The following WWP2 variants were observed in gnomAD, a reference collection of about 807,000 sequenced individuals.
The protein encoded by WWP2 is NEDD4-like E3 ubiquitin-protein ligase WWP2.
In WWP2, 57 loss-of-function variants were observed where a neutral mutation model predicts 121.0. The observed-to-expected ratio is 0.47, with a 90% CI of 0.38 to 0.59. The LOEUF (loss-of-function observed/expected upper bound fraction) is 0.59, where lower values mean the gene tolerates loss of function less well. Ranked by LOEUF, WWP2 falls within the 20% of genes least tolerant of loss-of-function variation. The pLI, the probability that WWP2 is intolerant of heterozygous loss-of-function variation, is 0.00. For missense variants in WWP2, 962 were observed against 1,158.9 expected, an observed-to-expected ratio of 0.83 and a Z score of 2.47; for synonymous variants, 449 against 441.3, an observed-to-expected ratio of 1.02 and a Z score of -0.22.
chr16:69,895,967 A>G (rs933538039), intron 8 of WWP2, among the ~76,000 whole-genome samples: 5 of 152,200 alleles, frequency 3.3e-5, no homozygotes, highest in Admixed American at 2.0e-4. Context: ...CTTAGGTCAC[A>G]TGGAATAGTG....
At chr16:69,830,992 C>A (rs1381811312) in intron 4 of WWP2, among the ~76,000 whole-genome samples, 1 of 152,070 alleles carries the variant, frequency 6.6e-6, no homozygotes, top group Non-Finnish European at 1.5e-5. Flanking sequence ...TGAACACGGG[C>A]CTGTTAATGA....
At chr16:69,825,410 C>G (rs1025560451) in intron 4 of WWP2, among the ~76,000 whole-genome samples, 1 of 145,320 alleles carries the variant, frequency 6.9e-6, no homozygotes, top group African/African-American at 2.5e-5. Flanking sequence ...GGCAACAGAG[C>G]GAGATTCCAT....
chr16:69,844,986 C>T (rs950984035), intron 6 of WWP2, among the ~76,000 whole-genome samples: 1 of 152,188 alleles, frequency 6.6e-6, no homozygotes, highest in African/African-American at 2.4e-5. Context: ...TCACTGTGCA[C>T]ACATGCTTAT....
rs1001299232 is a variant in WWP2 at position 69,940,134 on chromosome 16, G to T, written c.*194G>T. 5.1e-6 allele frequency: 3 copies of T among 591,472 alleles called. No homozygotes were observed. The African/African-American group carries it at 5.6e-5, about 11-fold the overall frequency. The allele number at this position is 591,472 out of a possible 1,614,324, so 36.6% of individuals were successfully genotyped here. On this transcript the variant is annotated 3_prime_UTR_variant, in exon 24 of 24. Transcript: ENST00000359154. Reference sequence around the variant, plus strand: ...CAGTTCCCCCGACCCGCGGATGGCAGTCTGGAATAAAGCCCCCTAGTTGCC... The same window carrying T: ...CAGTTCCCCCGACCCGCGGATGGCATTCTGGAATAAAGCCCCCTAGTTGCC...
At chr16:69,822,910 G>A (rs893956311) in intron 4 of WWP2, among the ~76,000 whole-genome samples, 1 of 152,234 alleles carries the variant, frequency 6.6e-6, no homozygotes. Flanking sequence ...GCTGAGGCCA[G>A]TGGATCATTT....
chr16:69,780,618 G>A (rs2055644010), intron 1 of WWP2, among the ~76,000 whole-genome samples: 1 of 152,100 alleles, frequency 6.6e-6, no homozygotes, highest in South Asian at 2.1e-4. Flanking sequence ...CTAATTGTCA[G>A]GCTTCTCATC....
chr16:69,778,419 C>T (rs2055587316), intron 1 of WWP2, among the ~76,000 whole-genome samples: 1 of 151,882 alleles, frequency 6.6e-6, no homozygotes, highest in Non-Finnish European at 1.5e-5. Context: ...AATTACTTTC[C>T]ATGGCTATTA....
chr16:69,842,898 G>C (rs1465210928), intron 6 of WWP2, among the ~76,000 whole-genome samples: 1 of 152,012 alleles, frequency 6.6e-6, no homozygotes, highest in East Asian at 1.9e-4. Flanking sequence ...CGAACTCCTG[G>C]ACTCAACCGA....
chr16:69,829,445 A>G (rs181147206), intron 4 of WWP2, among the ~76,000 whole-genome samples: 4 of 151,928 alleles, frequency 2.6e-5, no homozygotes, highest in Non-Finnish European at 4.4e-5. Flanking sequence ...CAGTCCTCCC[A>G]CCCATTTGGA....
chr16:69,798,856 C>T (rs769787214), intron 3 of WWP2, 27 bp downstream of exon 3: 28 of 1,611,638 alleles, frequency 1.7e-5, no homozygotes, highest in East Asian at 8.9e-5. Flanking sequence ...TCTTTTTGAA[C>T]GCAGCAAGAT....
chr16:69,921,811 C>T (rs574620805), intron 10 of WWP2, among the ~76,000 whole-genome samples: 1 of 152,170 alleles, frequency 6.6e-6, no homozygotes, highest in East Asian at 1.9e-4. Context: ...CGGTGGCTCA[C>T]GCCTGTAATC....
At chr16:69,798,426 G>A (rs542662374) in intron 2 of WWP2, among the ~76,000 whole-genome samples, 3 of 151,338 alleles carry the variant, frequency 2.0e-5, no homozygotes, top group Non-Finnish European at 2.9e-5. Context: ...ATTTACCAAC[G>A]ATAAATTGGT....
At chr16:69,881,270 C>T (rs2057824349) in intron 7 of WWP2, among the ~76,000 whole-genome samples, 1 of 152,184 alleles carries the variant, frequency 6.6e-6, no homozygotes, top group Non-Finnish European at 1.5e-5. Context: ...TCGTGGTGTT[C>T]TGGTTTGAGT....
chr16:69,798,961 CT>C, intron 3 of WWP2, 132 bp downstream of exon 3: 2 of 1,402,686 alleles, frequency 1.4e-6, no homozygotes, highest in Non-Finnish European at 1.9e-6. Context: ...CAAGGTGACT[CT>C]TTTTAGGTGT....
At chr16:69,920,390 A>G (rs961600857) in intron 10 of WWP2, among the ~76,000 whole-genome samples, 2 of 152,116 alleles carry the variant, frequency 1.3e-5, no homozygotes, top group African/African-American at 4.8e-5. Flanking sequence ...CAATTCTGGC[A>G]TGTTTCAGAA....
chr16:69,934,251 C>T, intron 17 of WWP2, 122 bp downstream of exon 17: 2 of 1,318,042 alleles, frequency 1.5e-6, no homozygotes, highest in Non-Finnish European at 1.0e-6. Context: ...CAGGAAGGGG[C>T]AGCATTGGAG....
chr16:69,843,617 A>G (rs1292089263), intron 6 of WWP2, among the ~76,000 whole-genome samples: 1 of 152,134 alleles, frequency 6.6e-6, no homozygotes, highest in African/African-American at 2.4e-5. Flanking sequence ...CTGTAATTCC[A>G]GCTCTTTTGG....
chr16:69,822,017 C>T (rs956437630), intron 4 of WWP2, among the ~76,000 whole-genome samples: 1 of 152,040 alleles, frequency 6.6e-6, no homozygotes. Flanking sequence ...CAGAAATGCA[C>T]ACCACTATGC....
At chr16:69,791,821 C>T (rs1199754583) in intron 2 of WWP2, among the ~76,000 whole-genome samples, 2 of 152,026 alleles carry the variant, frequency 1.3e-5, no homozygotes, top group East Asian at 3.9e-4. Context: ...TGCCTGGCCC[C>T]CACCTCGGCC....
Sources: gnomAD v4.1 joint callset for allele counts (sites outside exome capture counted in the v4.1 genomes callset) on GRCh38, gnomAD v4.1.1 for gene constraint, MANE v1.5 for transcripts, NCBI Gene and HGNC (gene_info 2026-07-23, HGNC 2026-07-21) for gene names.